Variants in KIRREL3 observed in about 807,000 individuals in gnomAD.
KIRREL3 encodes kin of IRRE-like protein 3.
In KIRREL3, 36 loss-of-function variants were observed where a neutral mutation model predicts 89.7. That is an observed-to-expected ratio of 0.40 (90% CI 0.31 to 0.53). The LOEUF is 0.53. KIRREL3 is among the 20% of genes least tolerant of loss of function. KIRREL3 has a pLI of 0.49. For missense variants in KIRREL3, 864 were observed against 1,056.6 expected (o/e 0.82, Z 2.53); for synonymous variants, 445 against 441.4 (o/e 1.01, Z -0.10).
At chr11:126,480,827 C>T (rs1013466014) in intron 4 of KIRREL3, among the ~76,000 whole-genome samples, 1 of 152,248 alleles carries the variant, frequency 6.6e-6, no homozygotes, top group Non-Finnish European at 1.5e-5. Flanking sequence ...GTCCGCCCAG[C>T]TCTTTGCTGC....
rs762161889 is a variant in KIRREL3, at chr11:126,568,936, C to T, written c.56-6024G>A. Among the ~76,000 whole-genome samples the T allele has an allele frequency of 6.6e-5, 10 of 151,900 alleles. No homozygotes were observed. Among genetic ancestry groups the T allele is most frequent in the South Asian group, 2.1e-4 (1 of 4,806 alleles). The stretch of plus-strand genomic sequence containing the variant: ...AGGTTGCATACTTCCCAGGTTAGCA[C>T]GTAGCCAACAGTGACATGGACTGGA... On this transcript the variant is annotated intron_variant, in intron 1 of 16. Transcript: ENST00000525144. The surrounding 1 kb of genome is among the most constrained non-coding windows in gnomAD (Gnocchi z 4.6).
chr11:126,672,103 C>T (rs1165479448), intron 1 of KIRREL3, among the ~76,000 whole-genome samples: 2 of 152,160 alleles, frequency 1.3e-5, no homozygotes, highest in Non-Finnish European at 2.9e-5. Context: ...TAGCATGCCC[C>T]ATGCATAATC....
At chr11:126,657,976 G>A (rs750181958) in intron 1 of KIRREL3, among the ~76,000 whole-genome samples, 7 of 152,218 alleles carry the variant, frequency 4.6e-5, no homozygotes, top group Non-Finnish European at 8.8e-5. Context: ...GATCCCATCA[G>A]TTTCACAGAG....
intron 1 of KIRREL3, among the ~76,000 whole-genome samples, chr11:126,941,953 T>G (rs969003501): frequency 6.6e-6 from 1 of 152,326 alleles, no homozygotes; most frequent in Non-Finnish European, 1.5e-5. Flanking sequence ...CAAGACAATG[T>G]GACAATGAGT....
chr11:126,942,866 A>G (rs1948500299), intron 1 of KIRREL3, among the ~76,000 whole-genome samples: 1 of 152,172 alleles, frequency 6.6e-6, no homozygotes, highest in Non-Finnish European at 1.5e-5. Context: ...TCTCTCTGAG[A>G]ACCTCAAAAC....
chr11:126,427,309 A>G lies in KIRREL3; in HGVS notation c.1807-1585T>C, dbSNP rs897095700. 2.0e-5 allele frequency among the ~76,000 whole-genome samples: 3 copies of G among 152,218 alleles called. No individual in the cohort carries two copies. The highest frequency in any genetic ancestry group is 4.4e-5 in the Non-Finnish European group (3 of 68,036). On this transcript the variant is annotated intron_variant, in intron 15 of 16. Coordinates refer to ENST00000525144, the MANE Select transcript of KIRREL3 (RefSeq NM_032531.4). This position sits in a 1 kb window ranked among gnomAD's most constrained non-coding sequence, Gnocchi z 5.3. ...GGGAAATAGATGAGCGTAGACTCAGAAACATGACCTTTGCCCTTGAGGAGC... is the reference window on the plus strand; with the variant it reads ...GGGAAATAGATGAGCGTAGACTCAGGAACATGACCTTTGCCCTTGAGGAGC...
At chr11:126,884,011 T>C (rs762069714) in intron 1 of KIRREL3, among the ~76,000 whole-genome samples, 5 of 152,152 alleles carry the variant, frequency 3.3e-5, no homozygotes, top group Non-Finnish European at 7.4e-5. Context: ...CCGGGGAGAT[T>C]GACAAGTGAT....
intron 1 of KIRREL3, among the ~76,000 whole-genome samples, chr11:126,831,427 C>CTCTCTT (rs1482239370): frequency 1.5e-3 from 81 of 52,808 alleles, no homozygotes; most frequent in African/African-American, 7.6e-3. Context: ...CTCTCTATCT[C>CTCTCTT]TCTCTCTTTC....
chr11:126,554,980 T>C (rs930623263), intron 2 of KIRREL3, among the ~76,000 whole-genome samples: 2 of 152,136 alleles, frequency 1.3e-5, no homozygotes. Flanking sequence ...CAGGGAATGA[T>C]TGCCTTCTTC....
chr11:126,911,145 G>A (rs1946799398), intron 1 of KIRREL3, among the ~76,000 whole-genome samples: 1 of 152,152 alleles, frequency 6.6e-6, no homozygotes, highest in African/African-American at 2.4e-5. Flanking sequence ...GAGAAAGAGA[G>A]GGTGGTGCTG....
At position 126,541,401 on chromosome 11, in the gene KIRREL3, TG is replaced by T. The variant is rs564397006; in HGVS notation, c.134-14715del. ...CTTATCCAAAATCCTATTTCGGGGGTGGGGGGTGGTCCTAAGGTTGAAAATA... is the reference window on the plus strand; with the variant it reads ...CTTATCCAAAATCCTATTTCGGGGGTGGGGGTGGTCCTAAGGTTGAAAATA... On this transcript the variant is annotated intron_variant, in intron 2 of 16. Coordinates refer to ENST00000525144, the MANE Select transcript of KIRREL3 (RefSeq NM_032531.4). The surrounding 1 kb of genome is among the most constrained non-coding windows in gnomAD (Gnocchi z 4.8). Among the ~76,000 whole-genome samples, 319 of 151,650 alleles carry T rather than the reference TG, an allele frequency of 2.1e-3. 1 individual carries two copies. The highest frequency in any genetic ancestry group is 6.9e-3 in the African/African-American group (286 of 41,336).
intron 1 of KIRREL3, among the ~76,000 whole-genome samples, chr11:126,673,230 C>T (rs1946037446): frequency 6.6e-6 from 1 of 152,260 alleles, no homozygotes; most frequent in Non-Finnish European, 1.5e-5. Context: ...TGAGGCCACA[C>T]TTGGCTCGAA....
intron 1 of KIRREL3, among the ~76,000 whole-genome samples, chr11:126,718,557 A>G (rs1948055344): frequency 6.6e-6 from 1 of 152,258 alleles, no homozygotes; most frequent in African/African-American, 2.4e-5. Flanking sequence ...TCTCTGGATG[A>G]GTCAGAGGTC....
chr11:126,476,236 G>C lies in KIRREL3; in HGVS notation c.434-2770C>G, dbSNP rs1449743477. Among the ~76,000 whole-genome samples the C allele has an allele frequency of 6.6e-6, 1 of 152,208 alleles. No individual in the cohort carries two copies. The highest frequency in any genetic ancestry group is 1.9e-4 in the East Asian group (1 of 5,190). On this transcript the variant is annotated intron_variant, in intron 4 of 16. Coordinates refer to ENST00000525144, the MANE Select transcript of KIRREL3 (RefSeq NM_032531.4). The surrounding 1 kb of genome is among the most constrained non-coding windows in gnomAD (Gnocchi z 6.4). ...TGCGGGCCACACCCTGAGCAGCCAA[G>C]TCCCAGTCTCTGGAGGGGACCCCAG...
Position 126,904,299 on chromosome 11 carries a change from G to A in KIRREL3, c.55+96156C>T, listed in dbSNP as rs956541977. On this transcript the variant is annotated intron_variant, in intron 1 of 16. Coordinates refer to ENST00000525144, the MANE Select transcript of KIRREL3 (RefSeq NM_032531.4). The surrounding 1 kb of genome is among the most constrained non-coding windows in gnomAD (Gnocchi z 4.4). ...GTTTAAATCTACATTCAAGGTAAAT[G>A]TCTGTATTTTATGGCCCGAAGCCCC... Among the ~76,000 whole-genome samples the A allele has an allele frequency of 4.6e-5, 7 of 152,296 alleles. No individual in the cohort carries two copies. Among genetic ancestry groups the A allele is most frequent in the Middle Eastern group, 3.4e-3 (1 of 294 alleles).
Position 126,459,287 on chromosome 11 carries a change from C to T in KIRREL3, c.743-2833G>A, listed in dbSNP as rs1296491567. On this transcript the variant is annotated intron_variant, in intron 6 of 16. Transcript: ENST00000525144. This position sits in a 1 kb window ranked among gnomAD's most constrained non-coding sequence, Gnocchi z 4.8. ...GTCTGAGAGGCAGGGAGGTGGGGCACACACCTGTTGTAGGACCTTCCTGCT... is the reference window on the plus strand; with the variant it reads ...GTCTGAGAGGCAGGGAGGTGGGGCATACACCTGTTGTAGGACCTTCCTGCT... Among the ~76,000 whole-genome samples, 1 of 152,174 alleles carries T rather than the reference C, an allele frequency of 6.6e-6. No individual in the cohort carries two copies. The highest frequency in any genetic ancestry group is 2.4e-5 in the African/African-American group (1 of 41,434).
At chr11:126,745,043 C>A (rs188121779) in intron 1 of KIRREL3, among the ~76,000 whole-genome samples, 2 of 152,260 alleles carry the variant, frequency 1.3e-5, no homozygotes, top group African/African-American at 4.8e-5. Flanking sequence ...AAGAGGGAGA[C>A]CCTGGTCACC....
At chr11:126,915,675 A>T (rs1288900815) in intron 1 of KIRREL3, among the ~76,000 whole-genome samples, 3 of 152,342 alleles carry the variant, frequency 2.0e-5, no homozygotes, top group African/African-American at 7.2e-5. Context: ...TCCTGCCCTC[A>T]TCAGGCCAAG....
intron 1 of KIRREL3, among the ~76,000 whole-genome samples, chr11:126,590,203 C>T (rs1219278224): frequency 6.6e-6 from 1 of 152,170 alleles, no homozygotes; most frequent in Non-Finnish European, 1.5e-5. Context: ...TTTGTTAATA[C>T]CCCCTTTCAA....
Sources: allele counts gnomAD v4.1 joint callset (sites outside exome capture counted in the v4.1 genomes callset), GRCh38; gene constraint gnomAD v4.1.1; non-coding constraint Gnocchi (gnomAD v3.1); transcripts MANE v1.5; gene names NCBI Gene and HGNC (gene_info 2026-07-23, HGNC 2026-07-21).